MARCHF8: variants seen among roughly 807,000 people sequenced by gnomAD.
MARCHF8 encodes the protein membrane associated ring-CH-type finger 8.
In MARCHF8, 40 loss-of-function variants were observed where a neutral mutation model predicts 51.6. The observed-to-expected ratio is 0.77, with a 90% CI of 0.60 to 1.01. MARCHF8 has a LOEUF of 1.01. Ranked by LOEUF, MARCHF8 falls within the 50% of genes least tolerant of loss-of-function variation. The pLI, the probability that MARCHF8 is intolerant of heterozygous loss-of-function variation, is 0.00. For synonymous variants in MARCHF8, 263 were observed against 280.3 expected (o/e 0.94, Z 0.62); for missense variants, 685 against 708.6 (o/e 0.97, Z 0.38).
At chr10:45,570,093 T>C (rs1165367357) in intron 1 of MARCHF8, among the ~76,000 whole-genome samples, 1 of 152,220 alleles carries the variant, frequency 6.6e-6, no homozygotes, top group Admixed American at 6.5e-5. Flanking sequence ...AAAACTCAGA[T>C]GGTTTCACTG....
At chr10:45,511,077 G>C (rs2043491163) in intron 2 of MARCHF8, among the ~76,000 whole-genome samples, 1 of 152,142 alleles carries the variant, frequency 6.6e-6, no homozygotes. Flanking sequence ...CATATGATTA[G>C]AATCATAATA....
At chr10:45,500,571 A>G (rs1448942475) in intron 2 of MARCHF8, among the ~76,000 whole-genome samples, 1 of 152,144 alleles carries the variant, frequency 6.6e-6, no homozygotes, top group African/African-American at 2.4e-5. Flanking sequence ...GACTTTTCAT[A>G]TATGGCCTTT....
At chr10:45,584,853 A>T (rs1439804602) in intron 1 of MARCHF8, among the ~76,000 whole-genome samples, 1 of 152,222 alleles carries the variant, frequency 6.6e-6, no homozygotes, top group African/African-American at 2.4e-5. Flanking sequence ...AAGAAAGAGG[A>T]TCACAAGGCA....
intron 1 of MARCHF8, among the ~76,000 whole-genome samples, chr10:45,550,211 A>G (rs1007299993): frequency 7.9e-5 from 12 of 152,170 alleles, no homozygotes; most frequent in Admixed American, 5.2e-4. Context: ...TAATACGGGG[A>G]AAAAGGTGCT....
chr10:45,471,534 A>C (rs914845117), intron 3 of MARCHF8, among the ~76,000 whole-genome samples: 1 of 152,206 alleles, frequency 6.6e-6, no homozygotes, highest in Non-Finnish European at 1.5e-5. Context: ...ACTCACAAGG[A>C]CCCTTTAATA....
chr10:45,594,131 T>A (rs973024773), intron 1 of MARCHF8: 1 of 152,204 alleles, frequency 6.6e-6, no homozygotes, highest in African/African-American at 2.4e-5. Flanking sequence ...CAATAAGTTT[T>A]CTATTAAAAA....
At chr10:45,591,276 G>GC (rs1347831580) in intron 1 of MARCHF8, among the ~76,000 whole-genome samples, 21 of 152,070 alleles carry the variant, frequency 1.4e-4, no homozygotes, top group African/African-American at 5.1e-4. Flanking sequence ...GACCAGTCTG[G>GC]CCAACATGGT....
intron 2 of MARCHF8, among the ~76,000 whole-genome samples, chr10:45,492,336 C>T (rs952944302): frequency 5.9e-5 from 9 of 151,540 alleles, no homozygotes; most frequent in East Asian, 1.9e-4. Flanking sequence ...CTCGCTCTGT[C>T]GCCCAGGCTG....
At chr10:45,501,806 A>C (rs2043285552) in intron 2 of MARCHF8, among the ~76,000 whole-genome samples, 1 of 152,138 alleles carries the variant, frequency 6.6e-6, no homozygotes, top group South Asian at 2.1e-4. Context: ...TTAAAAATCC[A>C]ATTAGAAAAT....
At chr10:45,579,961 CGAGATCA>C (rs1421972149) in intron 1 of MARCHF8, among the ~76,000 whole-genome samples, 4 of 135,808 alleles carry the variant, frequency 2.9e-5, no homozygotes, top group African/African-American at 1.1e-4. Context: ...TGCAGTGAGC[CGAGATCA>C]TACCACTGCA....
At chr10:45,474,720 C>T (rs2042754908) in intron 3 of MARCHF8, among the ~76,000 whole-genome samples, 1 of 152,122 alleles carries the variant, frequency 6.6e-6, no homozygotes, top group Non-Finnish European at 1.5e-5. Context: ...TAACAGAGAA[C>T]ACGAATTCAA....
At chr10:45,580,858 G>A (rs2044547718) in intron 1 of MARCHF8, among the ~76,000 whole-genome samples, 1 of 152,088 alleles carries the variant, frequency 6.6e-6, no homozygotes, top group Admixed American at 6.6e-5. Context: ...TCTAATCTTA[G>A]CTACCACAAA....
At chr10:45,566,688 T>G (rs1589183348) in intron 1 of MARCHF8, among the ~76,000 whole-genome samples, 1 of 149,510 alleles carries the variant, frequency 6.7e-6, no homozygotes, top group African/African-American at 2.5e-5. Flanking sequence ...ACACTTAGGT[T>G]GCTGGCAAAT....
At chr10:45,565,201 G>C (rs4073658) in intron 1 of MARCHF8, among the ~76,000 whole-genome samples, 2,127 of 152,060 alleles carry the variant, frequency 0.014, 24 homozygotes, top group Middle Eastern at 0.017. Flanking sequence ...GAGGCCAAGG[G>C]GGGTGAATCA....
intron 1 of MARCHF8, among the ~76,000 whole-genome samples, chr10:45,546,264 G>A (rs1171406433): frequency 6.6e-6 from 1 of 151,920 alleles, no homozygotes; most frequent in Non-Finnish European, 1.5e-5. Context: ...TGGTTCAAGC[G>A]ATTGCGCTGC....
At chr10:45,497,966 A>G (rs2043203877) in intron 2 of MARCHF8, among the ~76,000 whole-genome samples, 1 of 152,182 alleles carries the variant, frequency 6.6e-6, no homozygotes, top group Non-Finnish European at 1.5e-5. Context: ...TAAGCCACCC[A>G]GTCTGTGGTA....
At chr10:45,572,963 C>T (rs540543432) in intron 1 of MARCHF8, among the ~76,000 whole-genome samples, 1 of 152,066 alleles carries the variant, frequency 6.6e-6, no homozygotes, top group African/African-American at 2.4e-5. Flanking sequence ...CTTACAGTTT[C>T]GTTCTGCGAC....
At chr10:45,555,647 G>A (rs539676533) in intron 1 of MARCHF8, among the ~76,000 whole-genome samples, 1 of 151,838 alleles carries the variant, frequency 6.6e-6, no homozygotes, top group South Asian at 2.1e-4. Flanking sequence ...GGGAGGCTGA[G>A]GCAGGAGGAT....
chr10:45,463,488 C>G lies in MARCHF8; in HGVS notation c.751G>C (p.Ala251Pro). Reference protein sequence around the residue: ...LLLEEKADGEATSRSRQLLQY... With the variant: ...LLLEEKADGEPTSRSRQLLQY... Reference sequence around the variant, plus strand: ...AGCAGTTGCCGGCTTCGGGACGTGGCCTCACCATCCGCCTTCTCTTCCAGC... The same window carrying G: ...AGCAGTTGCCGGCTTCGGGACGTGGGCTCACCATCCGCCTTCTCTTCCAGC... Residue 251 changes from alanine to proline, a missense_variant, in exon 5 of 8, where the codon GCC becomes CCC. Transcript: ENST00000453424. 1 of 1,550,658 alleles carries G rather than the reference C, an allele frequency of 6.4e-7. No homozygotes were observed. Among genetic ancestry groups the G allele is most frequent in the Non-Finnish European group, 8.7e-7 (1 of 1,147,016 alleles).
Sources: allele counts gnomAD v4.1 joint callset (sites outside exome capture counted in the v4.1 genomes callset), GRCh38; gene constraint gnomAD v4.1.1; transcripts MANE v1.5; gene names NCBI Gene and HGNC (gene_info 2026-07-23, HGNC 2026-07-21).